Variants in TCTN1 observed in about 807,000 individuals in gnomAD.
TCTN1 encodes tectonic-1.
Under a neutral mutation model 65.8 loss-of-function variants are expected in TCTN1, and 58 were observed. The observed-to-expected ratio is 0.88, with a 90% CI of 0.71 to 1.10. The LOEUF (loss-of-function observed/expected upper bound fraction) is 1.10, where lower values mean the gene tolerates loss of function less well. Ranked by LOEUF, TCTN1 falls within the 50% of genes least tolerant of loss-of-function variation. The pLI is 0.00. For missense variants in TCTN1, 645 were observed against 719.4 expected (o/e 0.90, Z 1.18); for synonymous variants, 273 against 289.1 (o/e 0.94, Z 0.57).
chr12:110,624,122 T>C (rs2135950936), intron 2 of TCTN1, among the ~76,000 whole-genome samples: 1 of 150,296 alleles, frequency 6.7e-6, no homozygotes, highest in East Asian at 2.0e-4. Context: ...AAATCTCACT[T>C]TGTGGCCCAG....
intron 2 of TCTN1, among the ~76,000 whole-genome samples, chr12:110,620,810 C>CTTTTTTTT (rs1216049794): frequency 7.5e-6 from 1 of 133,330 alleles, no homozygotes; most frequent in Non-Finnish European, 1.6e-5. Context: ...TTCAAGGCTT[C>CTTTTTTTT]TTTTTTTTTT....
At position 110,634,316 on chromosome 12, in the gene TCTN1, T is replaced by C. The variant is rs1391793578; in HGVS notation, c.713-354T>C. The C allele has an allele frequency of 6.6e-6, 3 of 452,108 alleles. No homozygotes were observed. The East Asian group carries it at 2.1e-4, about 32-fold the overall frequency. The allele number at this position is 452,108 out of a possible 1,614,324, so 28.0% of individuals were successfully genotyped here. ...GCAGGACAAGAATTGGAGGGGGATTTACTCATTATCTTTTTGTGCTTTTTG... is the reference window on the plus strand; with the variant it reads ...GCAGGACAAGAATTGGAGGGGGATTCACTCATTATCTTTTTGTGCTTTTTG... On this transcript the variant is annotated intron_variant, in intron 5 of 14. Coordinates refer to ENST00000397659, the MANE Select transcript of TCTN1 (RefSeq NM_001082538.3).
At chr12:110,617,957 C>T (rs1396457562) in intron 1 of TCTN1, among the ~76,000 whole-genome samples, 1 of 151,808 alleles carries the variant, frequency 6.6e-6, no homozygotes, top group African/African-American at 2.4e-5. Context: ...GTACATTTTT[C>T]TAAAGCTCCT....
Position 110,641,693 on chromosome 12 carries a change from C to T in TCTN1, c.1190+66C>T, listed in dbSNP as rs77047023. 1.5e-3 allele frequency: 2,241 copies of T among 1,492,754 alleles called. 2 individuals are homozygous for T. Among genetic ancestry groups the T allele is most frequent in the Admixed American group, 2.1e-3 (128 of 59,696 alleles). The allele number at this position is 1,492,754 out of a possible 1,614,324, so 92.5% of individuals were successfully genotyped here. On this transcript the variant is annotated intron_variant, in intron 10 of 14. Coordinates refer to ENST00000397659, the MANE Select transcript of TCTN1 (RefSeq NM_001082538.3). The stretch of plus-strand genomic sequence containing the variant: ...CTCCATGTGCGTGGGCTGCACTGCT[C>T]TTTATCGCTGAGGCTCCCCTGGGCT...
At chr12:110,620,389 C>T (rs977057986) in intron 2 of TCTN1, among the ~76,000 whole-genome samples, 1 of 150,802 alleles carries the variant, frequency 6.6e-6, no homozygotes, top group Non-Finnish European at 1.5e-5. Flanking sequence ...GCCTGGGTGA[C>T]AGAGCGAGAC....
rs1397111361 is a variant in TCTN1, at chr12:110,622,969, T to G, written c.341+3013T>G. Reference sequence around the variant, plus strand: ...GCTAGGGAGAAGTATCTAGATCTGATGATGATACTGAAATACTGCACAGGA... The same window carrying G: ...GCTAGGGAGAAGTATCTAGATCTGAGGATGATACTGAAATACTGCACAGGA... On this transcript the variant is annotated intron_variant, in intron 2 of 14. Coordinates refer to ENST00000397659, the MANE Select transcript of TCTN1 (RefSeq NM_001082538.3). 2.0e-5 allele frequency among the ~76,000 whole-genome samples: 3 copies of G among 152,136 alleles called. No homozygotes were observed. The East Asian group carries it at 5.8e-4, about 29-fold the overall frequency.
intron 4 of TCTN1, among the ~76,000 whole-genome samples, chr12:110,631,489 C>T (rs1203371898): frequency 6.6e-6 from 1 of 151,968 alleles, no homozygotes; most frequent in African/African-American, 2.4e-5. Context: ...CAAAAATTAG[C>T]TGGGCGTGGT....
chr12:110,646,990 T>G (rs2067359950), intron 12 of TCTN1: 11 of 603,906 alleles, frequency 1.8e-5, no homozygotes, highest in South Asian at 4.0e-5. Context: ...ATGGAAAAAT[T>G]ACGCTTCAGC....
intron 6 of TCTN1, 84 bp downstream of exon 6, chr12:110,634,863 A>G: frequency 9.7e-7 from 1 of 1,034,040 alleles, no homozygotes; most frequent in South Asian, 1.4e-5. Context: ...AGTACAGAAT[A>G]ATTTCAGTAC....
intron 7 of TCTN1, among the ~76,000 whole-genome samples, chr12:110,637,620 G>T (rs2066663205): frequency 6.6e-6 from 1 of 152,208 alleles, no homozygotes; most frequent in South Asian, 2.1e-4. Flanking sequence ...TTGGAGCAGG[G>T]ATGGGGCCTG....
intron 6 of TCTN1, chr12:110,636,167 C>T: frequency 2.9e-6 from 1 of 346,890 alleles, no homozygotes; most frequent in South Asian, 2.6e-5. Flanking sequence ...GTGCTTCCCA[C>T]AGTGCTTATG....
intron 11 of TCTN1, chr12:110,643,335 ATC>A (rs1337729877): frequency 6.6e-6 from 1 of 152,184 alleles, no homozygotes; most frequent in Non-Finnish European, 1.5e-5. Flanking sequence ...CCTGAATATG[ATC>A]TGTTTTTATC....
intron 3 of TCTN1, among the ~76,000 whole-genome samples, chr12:110,627,180 C>T (rs1173746643): frequency 6.6e-6 from 1 of 150,982 alleles, no homozygotes; most frequent in East Asian, 1.9e-4. Flanking sequence ...TCACTGCAAC[C>T]TCTGCCTCCC....
chr12:110,615,115 A>G (rs1346900960), intron 1 of TCTN1, among the ~76,000 whole-genome samples: 1 of 152,116 alleles, frequency 6.6e-6, no homozygotes, highest in Non-Finnish European at 1.5e-5. Context: ...AAATGGCGAA[A>G]CCCAGTCTCT....
intron 2 of TCTN1, among the ~76,000 whole-genome samples, chr12:110,621,145 C>G (rs1040263180): frequency 4.6e-5 from 7 of 152,114 alleles, no homozygotes; most frequent in Admixed American, 2.6e-4. Flanking sequence ...AGAAGAGGCT[C>G]ATTAATTCAG....
In TCTN1 at chr12:110,614,190, C is replaced by T. The variant is rs772390489; in HGVS notation, c.8C>T (p.Pro3Leu). The T allele has an allele frequency of 9.6e-5, 149 of 1,552,312 alleles. No homozygotes were observed. The highest frequency in any genetic ancestry group is 1.2e-4 in the Non-Finnish European group (139 of 1,148,880). ...GCTGGGACTCCCTGGGAGATGAGGC[C>T]GCGAGGTCTCCCGCCGCTCCTGGTG... MR[P>L]RGLPPLLVVL... The change falls in exon 1 of 15, where the codon CCG becomes CTG. Residue 3 changes from proline to leucine, a missense_variant. Transcript: ENST00000397659.
chr12:110,640,584 AACTGG>A lies in TCTN1; in HGVS notation c.978+70_978+74del. 6.2e-7 allele frequency: 1 copy of A among 1,611,034 alleles called. No homozygotes were observed. ...CTTAAGCCTCTTGTTGCGCCGGGGT[AACTGG>A]ACGCCCTCCGAGGACGCTCTGTCCC... On this transcript the variant is annotated intron_variant, in intron 8 of 14. Coordinates refer to ENST00000397659, the MANE Select transcript of TCTN1 (RefSeq NM_001082538.3). This position sits in a 1 kb window ranked among gnomAD's most constrained non-coding sequence, Gnocchi z 4.9.
chr12:110,641,250 C>A (rs540362934), intron 9 of TCTN1, 101 bp downstream of exon 9: 41 of 1,503,664 alleles, frequency 2.7e-5, no homozygotes, highest in Admixed American at 1.1e-4. Context: ...TACATCCAAG[C>A]CTTTGTAGTG....
chr12:110,619,931 T>TCTGC lies in TCTN1; in HGVS notation c.321_324dup (p.Ser109LeufsTer14). The stretch of plus-strand genomic sequence containing the variant: ...CAGCTCCGTGGATTTCAGTGTCTTT[T>TCTGC]CTGCCTGCTCAGTTCCAGTTGTCAC... On this transcript the variant is annotated frameshift_variant, in exon 2 of 15. Transcript: ENST00000397659. LOFTEE classifies it high-confidence loss of function. 1 of 1,614,168 alleles carries TCTGC rather than the reference T, an allele frequency of 6.2e-7. No homozygotes were observed. The highest frequency in any genetic ancestry group is 8.5e-7 in the Non-Finnish European group (1 of 1,180,036).
Sources: gnomAD v4.1 joint callset for allele counts (sites outside exome capture counted in the v4.1 genomes callset) on GRCh38, gnomAD v4.1.1 for gene constraint, Gnocchi (gnomAD v3.1) non-coding constraint, MANE v1.5 for transcripts, NCBI Gene and HGNC (gene_info 2026-07-23, HGNC 2026-07-21) for gene names.